SHROOM3: variants seen among roughly 807,000 people sequenced by gnomAD.
SHROOM3 encodes shroom family member 3.
A neutral mutation model predicts 138.6 loss-of-function variants in SHROOM3; 47 were observed. The observed-to-expected ratio is 0.34, with a 90% CI of 0.27 to 0.43. The LOEUF (loss-of-function observed/expected upper bound fraction) is 0.43, where lower values mean the gene tolerates loss of function less well. SHROOM3 is among the 20% of genes least tolerant of loss of function. The pLI is 1.00. For missense variants in SHROOM3, 2,491 were observed against 2,596.5 expected (o/e 0.96, Z 0.88); for synonymous variants, 1,062 against 1,063.3 (o/e 1.00, Z 0.02).
intron 1 of SHROOM3, among the ~76,000 whole-genome samples, chr4:76,468,764 T>C (rs946525771): frequency 6.6e-6 from 1 of 152,094 alleles, no homozygotes; most frequent in Non-Finnish European, 1.5e-5. Flanking sequence ...GCGCGGTAGC[T>C]CACACCTGTA....
chr4:76,741,890 G>A lies in SHROOM3; in HGVS notation c.3717G>A (p.Arg1239=), dbSNP rs751386814. 1 of 1,612,316 alleles carries A rather than the reference G, an allele frequency of 6.2e-7. No individual in the cohort carries two copies. The highest frequency in any genetic ancestry group is 8.5e-7 in the Non-Finnish European group (1 of 1,179,960). The change falls in exon 5 of 11, where the codon AGG becomes AGA. Residue 1239 remains arginine, a synonymous_variant. Transcript: ENST00000296043. The surrounding 1 kb of genome is among the most constrained non-coding windows in gnomAD (Gnocchi z 6.2). ...SDVLAGPVHV[R]SRSSPATADK... is the part of the protein sequence containing the mutation. ...TCCTTGCGGGCCCTGTCCATGTGAG[G>A]TCCAGGTCATCTCCCGCCACCGCAG...
rs542097784 is a variant in SHROOM3 at position 76,733,501 on chromosome 4, C to CTGCAGCACAAACCACCCTGTGG, written c.587+2579_587+2600dup. 1.0e-3 allele frequency among the ~76,000 whole-genome samples: 152 copies of CTGCAGCACAAACCACCCTGTGG among 152,330 alleles called. 3 individuals carry two copies. In the East Asian group the frequency reaches 0.022, roughly 22 times the overall value. Reference sequence around the variant, plus strand: ...TTACAGGCGTGTGCATTCTCTCCTGCTGCAGCACAAACCACCCTGTGGTGC... The same window carrying CTGCAGCACAAACCACCCTGTGG: ...TTACAGGCGTGTGCATTCTCTCCTGCTGCAGCACAAACCACCCTGTGGTGCAGCACAAACCACCCTGTGGTGC... On this transcript the variant is annotated intron_variant, in intron 4 of 10. Coordinates refer to ENST00000296043, the MANE Select transcript of SHROOM3 (RefSeq NM_020859.4).
chr4:76,776,526 A>G (rs1722577135), intron 10 of SHROOM3, among the ~76,000 whole-genome samples: 1 of 152,214 alleles, frequency 6.6e-6, no homozygotes, highest in Non-Finnish European at 1.5e-5. Context: ...GCCGAAGCCA[A>G]TGCCTAGAAG....
chr4:76,754,454 G>C lies in SHROOM3; in HGVS notation c.3971G>C (p.Arg1324Thr). Residue 1324 changes from arginine (R) to threonine (T), a missense_variant, in exon 7 of 11, where the codon AGG becomes ACG. By Grantham distance (71) the Arg-to-Thr change is moderately conservative. Transcript: ENST00000296043. ...SECPGTLDHQ[R>T]QASRTPCPRP... ...TGTCCTGGAACCCTGGACCATCAGA[G>C]GCAAGCCAGTAGGACACCCTGCCCC... The C allele has an allele frequency of 6.2e-7, 1 of 1,614,128 alleles. No individual in the cohort carries two copies. Among genetic ancestry groups the C allele is most frequent in the Non-Finnish European group, 8.5e-7 (1 of 1,180,008 alleles).
chr4:76,740,344 G>A lies in SHROOM3; in HGVS notation c.2171G>A (p.Arg724Gln). Residue 724 changes from arginine to glutamine, a missense_variant, in exon 5 of 11, where the codon CGG becomes CAG. Physicochemically the swap from Arg to Gln is conservative, Grantham distance 43. Transcript: ENST00000296043. This position sits in a 1 kb window ranked among gnomAD's most constrained non-coding sequence, Gnocchi z 4.0. ...SHLDRQVSYP[R>Q]PEGRTGASAS... ...CTGGACCGGCAGGTTTCCTACCCGC[G>A]GCCCGAGGGGAGGACCGGTGCCTCG... 2.5e-6 allele frequency: 4 copies of A among 1,613,052 alleles called. No individual in the cohort carries two copies. The highest frequency in any genetic ancestry group is 3.4e-6 in the Non-Finnish European group (4 of 1,180,008).
At chr4:76,674,554 C>CA (rs777873689) in intron 2 of SHROOM3, among the ~76,000 whole-genome samples, 4 of 103,290 alleles carry the variant, frequency 3.9e-5, no homozygotes, top group African/African-American at 1.1e-4. Flanking sequence ...TCCTTCCTTC[C>CA]TTTTTTTTTT....
At chr4:76,529,445 T>C (rs1007945363) in intron 1 of SHROOM3, among the ~76,000 whole-genome samples, 1 of 152,076 alleles carries the variant, frequency 6.6e-6, no homozygotes, top group African/African-American at 2.4e-5. Flanking sequence ...GCCTCCCGAA[T>C]AGCTGGGACT....
At chr4:76,747,787 A>T (rs1721489598) in intron 5 of SHROOM3, among the ~76,000 whole-genome samples, 1 of 152,138 alleles carries the variant, frequency 6.6e-6, no homozygotes, top group Admixed American at 6.5e-5. Context: ...AACACATGGA[A>T]TTCATTTTTC....
At position 76,739,350 on chromosome 4, in the gene SHROOM3, G is replaced by A. The variant is rs200056000; in HGVS notation, c.1177G>A (p.Ala393Thr). ...PLPPARSDSY[A>T]AFRHRERPSS... The stretch of plus-strand genomic sequence containing the variant: ...GCCTCCAGCTCGGAGTGACAGTTAC[G>A]CAGCATTTCGGCACCGTGAGCGGCC... The change falls in exon 5 of 11, where the codon GCA becomes ACA. Residue 393 changes from alanine to threonine, a missense_variant. By Grantham distance (58) the Ala-to-Thr change is moderately conservative. This residue lies in a region of SHROOM3 where 1,733 missense variants were observed against 1,661.6 expected (regional missense o/e 1.04). Transcript: ENST00000296043. 111 of 1,613,948 alleles carry A rather than the reference G, an allele frequency of 6.9e-5. No individual in the cohort carries two copies. The highest frequency in any genetic ancestry group is 1.1e-4 in the East Asian group (5 of 44,892).
intron 2 of SHROOM3, among the ~76,000 whole-genome samples, chr4:76,656,806 G>T (rs758736647): frequency 3.3e-5 from 5 of 152,132 alleles, no homozygotes; most frequent in Admixed American, 6.6e-5. Flanking sequence ...CATGAAAAAT[G>T]GAAATAATCA....
At chr4:76,586,140 A>T in intron 2 of SHROOM3, 1 of 574,688 alleles carries the variant, frequency 1.7e-6, no homozygotes, top group Non-Finnish European at 2.2e-6. Context: ...ACTTCCCCTT[A>T]CATCAGCGGG....
intron 1 of SHROOM3, among the ~76,000 whole-genome samples, chr4:76,549,431 C>T (rs570072493): frequency 6.5e-4 from 99 of 151,656 alleles, no homozygotes; most frequent in East Asian, 3.7e-3. Flanking sequence ...TGCAGTGGAG[C>T]GATCTTGGCT....
chr4:76,782,432 T>G lies in SHROOM3; in HGVS notation c.*3255T>G, dbSNP rs1722756438. The G allele has an allele frequency of 6.6e-6, 1 of 152,222 alleles. No homozygotes were observed. The highest frequency in any genetic ancestry group is 6.5e-5 in the Admixed American group (1 of 15,286). The allele number at this position is 152,222 out of a possible 1,614,324, so 9.4% of individuals were successfully genotyped here. The stretch of plus-strand genomic sequence containing the variant: ...AACCTGGGACATCCCAGTTTTCCTA[T>G]TCCTCCACTGTTAATATCTCATCTA... On this transcript the variant is annotated 3_prime_UTR_variant, in exon 11 of 11. Coordinates refer to ENST00000296043, the MANE Select transcript of SHROOM3 (RefSeq NM_020859.4).
At chr4:76,748,232 G>A (rs989521065) in intron 5 of SHROOM3, among the ~76,000 whole-genome samples, 8 of 152,060 alleles carry the variant, frequency 5.3e-5, no homozygotes, top group Non-Finnish European at 1.2e-4. Flanking sequence ...CATTGGGCAG[G>A]GTTAAATGGC....
intron 5 of SHROOM3, among the ~76,000 whole-genome samples, chr4:76,747,428 A>C (rs1006409820): frequency 2.0e-5 from 3 of 152,184 alleles, no homozygotes; most frequent in African/African-American, 7.2e-5. Flanking sequence ...GATTGATAGA[A>C]GATTCAGAGA....
intron 2 of SHROOM3, among the ~76,000 whole-genome samples, chr4:76,589,885 T>TA (rs1734229320): frequency 1.3e-5 from 2 of 152,202 alleles, no homozygotes; most frequent in African/African-American, 4.8e-5. Context: ...AGGTAGGTCA[T>TA]ATATCATTAT....
At chr4:76,595,677 C>T (rs534089271) in intron 2 of SHROOM3, among the ~76,000 whole-genome samples, 6 of 152,220 alleles carry the variant, frequency 3.9e-5, no homozygotes, top group Admixed American at 1.3e-4. Context: ...AGTCAGATTA[C>T]CAAGAATAGT....
At chr4:76,595,511 G>A (rs1175631302) in intron 2 of SHROOM3, among the ~76,000 whole-genome samples, 1 of 152,176 alleles carries the variant, frequency 6.6e-6, no homozygotes, top group Non-Finnish European at 1.5e-5. Flanking sequence ...ACAGAGTCTT[G>A]TCCAAACAAG....
intron 1 of SHROOM3, among the ~76,000 whole-genome samples, chr4:76,529,142 T>C (rs568091061): frequency 6.6e-6 from 1 of 152,184 alleles, no homozygotes; most frequent in South Asian, 2.1e-4. Context: ...GGGGAAACCA[T>C]GGGAAAAATT....
Sources: allele counts gnomAD v4.1 joint callset (sites outside exome capture counted in the v4.1 genomes callset), GRCh38; gene constraint gnomAD v4.1.1; regional missense constraint gnomAD v4.1.1; non-coding constraint Gnocchi (gnomAD v3.1); transcripts MANE v1.5; gene names NCBI Gene and HGNC (gene_info 2026-07-23, HGNC 2026-07-21).